Variants in KPNA7 observed in about 807,000 individuals in gnomAD.
KPNA7 encodes karyopherin subunit alpha 7, also known as importin subunit alpha-8.
KPNA7 carries 54 observed loss-of-function variants against 53.7 expected under a neutral mutation model. The observed-to-expected ratio is 1.01, with a 90% CI of 0.81 to 1.26. KPNA7 has a LOEUF of 1.26. Among genes scored for constraint, KPNA7 ranks in the 50% most tolerant of loss-of-function variants. The probability of loss-of-function intolerance (pLI) is 0.00; values close to 1 mark genes in which losing one functional copy is unlikely to be tolerated. For missense variants in KPNA7, 640 were observed against 644.5 expected (o/e 0.99, Z 0.07); for synonymous variants, 276 against 259.3 (o/e 1.06, Z -0.62).
At chr7:99,157,970 T>G in the KPNA7 span, among the ~76,000 whole-genome samples, 118 of 151,432 alleles carry the variant, frequency 7.8e-4, no homozygotes, top group Non-Finnish European at 1.4e-3. Flanking sequence ...TAGAGATGGG[T>G]CTCCTTATGT....
At chr7:99,175,798 C>A (rs1197774914) in intron 10 of KPNA7, among the ~76,000 whole-genome samples, 1 of 151,894 alleles carries the variant, frequency 6.6e-6, no homozygotes, top group Non-Finnish European at 1.5e-5. Context: ...AGACATGAAC[C>A]ACTGCTCCCA....
At chr7:99,218,725 A>G (rs1051647858) in intron 1 of KPNA7, among the ~76,000 whole-genome samples, 8 of 152,172 alleles carry the variant, frequency 5.3e-5, no homozygotes, top group South Asian at 2.1e-4. Context: ...AGCTGCCCCC[A>G]TGGGCAGGCA....
chr7:99,162,302 C>G, the KPNA7 span, among the ~76,000 whole-genome samples: 3 of 152,152 alleles, frequency 2.0e-5, no homozygotes, highest in Non-Finnish European at 4.4e-5. Flanking sequence ...CCTTGGCCTC[C>G]CAAAGTGCTG....
chr7:99,155,458 A>G, the KPNA7 span, among the ~76,000 whole-genome samples: 2 of 151,984 alleles, frequency 1.3e-5, no homozygotes, highest in Non-Finnish European at 2.9e-5. Flanking sequence ...ATCACACCAC[A>G]TTTCAGTTGG....
chr7:99,159,101 G>C, the KPNA7 span, among the ~76,000 whole-genome samples: 1 of 151,978 alleles, frequency 6.6e-6, no homozygotes, highest in Non-Finnish European at 1.5e-5. Flanking sequence ...CTGACCTTAG[G>C]TGATCTGCCC....
chr7:99,202,523 G>A (rs1303887257), intron 3 of KPNA7, among the ~76,000 whole-genome samples: 1 of 151,948 alleles, frequency 6.6e-6, no homozygotes, highest in Non-Finnish European at 1.5e-5. Context: ...TCAGGCTTAG[G>A]GATAGCAAGT....
chr7:99,156,434 C>T, the KPNA7 span, among the ~76,000 whole-genome samples: 1 of 152,080 alleles, frequency 6.6e-6, no homozygotes, highest in Middle Eastern at 3.2e-3. Flanking sequence ...AATTTCACCG[C>T]ATTGAATCCA....
the KPNA7 span, among the ~76,000 whole-genome samples, chr7:99,149,931 AC>A: frequency 2.0e-5 from 3 of 152,054 alleles, no homozygotes; most frequent in East Asian, 5.8e-4. Flanking sequence ...AGTAGCTCAG[AC>A]AGACTGCAGG....
At chr7:99,201,348 T>G (rs1262579887) in intron 3 of KPNA7, among the ~76,000 whole-genome samples, 1 of 152,028 alleles carries the variant, frequency 6.6e-6, no homozygotes, top group Non-Finnish European at 1.5e-5. Context: ...TTGATGTGAA[T>G]TATACCTTCA....
the KPNA7 span, among the ~76,000 whole-genome samples, chr7:99,166,410 G>A: frequency 6.6e-6 from 1 of 152,070 alleles, no homozygotes; most frequent in East Asian, 1.9e-4. Flanking sequence ...TGCCCCCCAC[G>A]TTCAAGTGAT....
rs377245707 is a variant in KPNA7, at chr7:99,187,630, T to C, written c.900+670A>G. ...GAGCAGTGGCACGATCTCAGCTCAC[T>C]GCAACCTCCACCTCCTGGGTTCAAG... is the stretch of plus-strand genomic sequence containing the variant. On this transcript the variant is annotated intron_variant, in intron 7 of 10. Transcript: ENST00000327442. Among the ~76,000 whole-genome samples the C allele has an allele frequency of 2.5e-4, 37 of 147,150 alleles. No individual in the cohort carries two copies. The East Asian group carries it at 2.8e-3, about 11-fold the overall frequency.
At position 99,188,337 on chromosome 7, in the gene KPNA7, A is replaced by AGCCT. The variant is rs1306531698; in HGVS notation, c.859_862dup (p.Leu288GlnfsTer30). 2.6e-6 allele frequency: 4 copies of AGCCT among 1,551,504 alleles called. No individual in the cohort carries two copies. In the African/African-American group the frequency reaches 5.5e-5, roughly 21 times the overall value. On this transcript the variant is annotated frameshift_variant, in exon 7 of 11. Coordinates refer to ENST00000327442, the MANE Select transcript of KPNA7 (RefSeq NM_001145715.3). LOFTEE classifies it high-confidence loss of function. ...TTCTGAGCTGGTCATGAGCACTACC[A>AGCCT]GCCTGGGCAGGACCCCCGTGTTAAC...
intron 9 of KPNA7, 76 bp from the exon 10 acceptor site, chr7:99,178,142 G>A: frequency 7.4e-7 from 1 of 1,355,568 alleles, no homozygotes; most frequent in Non-Finnish European, 1.0e-6. Context: ...AGCCCTCAAG[G>A]GAGCTGCCCC....
chr7:99,178,724 G>A (rs949859433), intron 9 of KPNA7, among the ~76,000 whole-genome samples: 3 of 132,502 alleles, frequency 2.3e-5, no homozygotes, highest in Non-Finnish European at 4.6e-5. Flanking sequence ...CCAAAGTGCT[G>A]GGATTACAGG....
chr7:99,175,943 T>C (rs1275882226), intron 10 of KPNA7, among the ~76,000 whole-genome samples: 3 of 152,190 alleles, frequency 2.0e-5, no homozygotes, highest in Non-Finnish European at 4.4e-5. Flanking sequence ...AGTGTCACTC[T>C]GTAAACTCCT....
At chr7:99,160,802 G>A in the KPNA7 span, among the ~76,000 whole-genome samples, 1 of 152,016 alleles carries the variant, frequency 6.6e-6, no homozygotes, top group Admixed American at 6.6e-5. Flanking sequence ...TCTGTCTTCT[G>A]GTCTTCACAC....
intron 2 of KPNA7, among the ~76,000 whole-genome samples, chr7:99,205,891 C>G (rs1790787698): frequency 6.6e-6 from 1 of 152,078 alleles, no homozygotes; most frequent in African/African-American, 2.4e-5. Flanking sequence ...GAGCTTGCAA[C>G]ACAAAACTAT....
intron 9 of KPNA7, among the ~76,000 whole-genome samples, chr7:99,178,628 A>C (rs1039107592): frequency 2.0e-5 from 3 of 151,938 alleles, no homozygotes; most frequent in African/African-American, 7.3e-5. Flanking sequence ...AATTTTGTTA[A>C]CATTTTGTGT....
intron 1 of KPNA7, among the ~76,000 whole-genome samples, chr7:99,216,566 CTCT>C (rs1221091117): frequency 9.6e-4 from 6 of 6,228 alleles, no homozygotes; most frequent in East Asian, 0.091. Flanking sequence ...TACCAACACC[CTCT>C]TTTTTTTTGT....
Sources: allele counts gnomAD v4.1 joint callset (sites outside exome capture counted in the v4.1 genomes callset), GRCh38; gene constraint gnomAD v4.1.1; transcripts MANE v1.5; gene names NCBI Gene and HGNC (gene_info 2026-07-23, HGNC 2026-07-21).